Variants in MDGA2 observed in about 807,000 individuals in gnomAD.
MDGA2 encodes the protein MAM domain-containing glycosylphosphatidylinositol anchor protein 2.
MDGA2 carries 40 observed loss-of-function variants against 117.8 expected under a neutral mutation model. The ratio of observed to expected loss-of-function variants is 0.34; its 90% CI spans 0.26 to 0.44. The LOEUF (loss-of-function observed/expected upper bound fraction) is 0.44. Ranked by LOEUF, MDGA2 falls within the 20% of genes least tolerant of loss-of-function variation. The probability of loss-of-function intolerance (pLI) is 1.00; values close to 1 mark genes in which losing one functional copy is unlikely to be tolerated. For missense variants in MDGA2, 1,123 were observed against 1,250.6 expected (o/e 0.90, Z 1.54); for synonymous variants, 452 against 439.0 (o/e 1.03, Z -0.37).
intron 8 of MDGA2, among the ~76,000 whole-genome samples, chr14:47,003,861 T>A (rs2138502045): frequency 6.6e-6 from 1 of 152,040 alleles, no homozygotes; most frequent in African/African-American, 2.4e-5. Flanking sequence ...ATCATAAAGC[T>A]TATAGAAGAA....
rs1296359019 is a variant in MDGA2, at chr14:47,144,142, C to T, written c.728G>A (p.Gly243Asp). The T allele has an allele frequency of 6.4e-7, 1 of 1,551,052 alleles. No homozygotes were observed. The highest frequency in any genetic ancestry group is 1.4e-5 in the African/African-American group (1 of 72,998). ...AGATCCTTGCAGCAAGACCTCCTGG[C>T]CACGTCTCCAGCTATACCGAACAGG... is the stretch of plus-strand genomic sequence containing the variant. ...NPPVRYSWRR[G>D]QEVLLQGSDK... The change falls in exon 4 of 17, where the codon GGC becomes GAC. Residue 243 changes from glycine to aspartate, a missense_variant. Physicochemically the swap from Gly to Asp is moderately conservative, Grantham distance 94. This residue lies in a region of MDGA2 where 890 missense variants were observed against 1,050.3 expected (regional missense o/e 0.85). Transcript: ENST00000399232.
chr14:47,194,779 T>C (rs921183439), intron 3 of MDGA2, among the ~76,000 whole-genome samples: 3 of 151,832 alleles, frequency 2.0e-5, no homozygotes, highest in Non-Finnish European at 4.4e-5. Context: ...TCTCTCTCAC[T>C]CTCTCTTTCT....
rs557151612 is a variant in MDGA2 at position 47,063,328 on chromosome 14, T to C, written c.1196-1750A>G. Among the ~76,000 whole-genome samples, 51 of 152,120 alleles carry C rather than the reference T, an allele frequency of 3.4e-4. 1 individual carries two copies. In the South Asian group the frequency reaches 0.01, roughly 30 times the overall value. ...AATAAAATGCAACTTATGAATCTTA[T>C]TTACCCCTAACCATATCTTTATCAG... On this transcript the variant is annotated intron_variant, in intron 6 of 16. Transcript: ENST00000399232.
At position 46,920,116 on chromosome 14, in the gene MDGA2, C is replaced by A; in HGVS notation, c.2134G>T (p.Val712Leu). 1 of 1,611,202 alleles carries A rather than the reference C, an allele frequency of 6.2e-7. No individual in the cohort carries two copies. Among genetic ancestry groups the A allele is most frequent in the Middle Eastern group, 1.7e-4 (1 of 6,058 alleles). ...TAAACACGGTGTCTGTTCTGCCATACTGGATTGTAGGTATCATAATAGAAT... is the reference window on the plus strand; with the variant it reads ...TAAACACGGTGTCTGTTCTGCCATAATGGATTGTAGGTATCATAATAGAAT... ...PEFYYDTYNP[V>L]WQNRHRVYSY... Residue 712 changes from valine to leucine, a missense_variant, in exon 10 of 17, where the codon GTA (valine) becomes TTA (leucine). Transcript: ENST00000399232.
chr14:47,386,584 G>A (rs1449379988), intron 1 of MDGA2, among the ~76,000 whole-genome samples: 3 of 152,154 alleles, frequency 2.0e-5, no homozygotes, highest in African/African-American at 7.2e-5. Context: ...GTACTGATTA[G>A]TTAAGAAGAA....
chr14:47,571,968 A>G (rs1422119327), intron 1 of MDGA2, among the ~76,000 whole-genome samples: 1 of 152,198 alleles, frequency 6.6e-6, no homozygotes, highest in Non-Finnish European at 1.5e-5. Context: ...ATGCACACAC[A>G]TACATACTTT....
chr14:47,583,315 A>C lies in MDGA2; in HGVS notation c.280+91202T>G, dbSNP rs4448846. On this transcript the variant is annotated intron_variant, in intron 1 of 16. Transcript: ENST00000399232. ...AGATGAGATTAAAGCTGAGCTCTGA[A>C]TGACAAGAAGCAGCTAGCCAGTGAG... 5.1e-4 allele frequency among the ~76,000 whole-genome samples: 78 copies of C among 151,996 alleles called. 1 individual carries two copies. In the Middle Eastern group the frequency reaches 0.01, roughly 20 times the overall value.
chr14:47,387,138 G>A (rs1891778321), intron 1 of MDGA2, among the ~76,000 whole-genome samples: 2 of 152,058 alleles, frequency 1.3e-5, no homozygotes, highest in African/African-American at 4.8e-5. Context: ...ACCTTACTAG[G>A]AACTGGTTGC....
At chr14:46,995,949 C>G (rs947674080) in intron 8 of MDGA2, among the ~76,000 whole-genome samples, 1 of 151,488 alleles carries the variant, frequency 6.6e-6, no homozygotes, top group African/African-American at 2.4e-5. Context: ...AAATGAAGAC[C>G]GCATTTCATT....
chr14:47,442,486 T>C (rs1893033135), intron 1 of MDGA2, among the ~76,000 whole-genome samples: 1 of 152,226 alleles, frequency 6.6e-6, no homozygotes, highest in East Asian at 1.9e-4. Flanking sequence ...ACTGAGGTGA[T>C]GTAAGCAGGA....
chr14:47,634,087 T>C (rs932867665), intron 1 of MDGA2, among the ~76,000 whole-genome samples: 1 of 152,152 alleles, frequency 6.6e-6, no homozygotes, highest in African/African-American at 2.4e-5. Context: ...AATGTTTGTA[T>C]AGTTTGACTC....
At chr14:47,294,297 A>G (rs960623889) in intron 2 of MDGA2, among the ~76,000 whole-genome samples, 2 of 151,848 alleles carry the variant, frequency 1.3e-5, no homozygotes, top group Non-Finnish European at 2.9e-5. Flanking sequence ...AGGTTTCGTC[A>G]TGTTGCCCAG....
intron 16 of MDGA2, among the ~76,000 whole-genome samples, chr14:46,842,934 G>T (rs937183637): frequency 9.9e-5 from 15 of 152,122 alleles, no homozygotes; most frequent in Non-Finnish European, 1.2e-4. Flanking sequence ...TCAATCAAAT[G>T]CTAGTCATAA....
At position 47,540,176 on chromosome 14, in the gene MDGA2, G is replaced by T. The variant is rs539829218; in HGVS notation, c.280+134341C>A. On this transcript the variant is annotated intron_variant, in intron 1 of 16. Transcript: ENST00000399232. ...CTACAGGCGCCCGCCACCTCGCCCG[G>T]CTAATTTTTTGTATTTTTGGTAGAG... Among the ~76,000 whole-genome samples, 145 of 152,180 alleles carry T rather than the reference G, an allele frequency of 9.5e-4. 2 individuals carry two copies. The highest frequency in any genetic ancestry group is 3.3e-3 in the African/African-American group (139 of 41,542).
chr14:47,221,753 G>GA (rs1370974143), intron 2 of MDGA2, among the ~76,000 whole-genome samples: 4 of 149,768 alleles, frequency 2.7e-5, no homozygotes, highest in Non-Finnish European at 5.9e-5. Context: ...AAAATGATGA[G>GA]AAAAATAGGG....
chr14:47,645,477 G>A (rs1409907545), intron 1 of MDGA2, among the ~76,000 whole-genome samples: 1 of 150,996 alleles, frequency 6.6e-6, no homozygotes, highest in Non-Finnish European at 1.5e-5. Flanking sequence ...CTCAAGATCC[G>A]CCCGCCTCGT....
At chr14:47,384,029 A>ATAGG in intron 1 of MDGA2, among the ~76,000 whole-genome samples, 1 of 121,056 alleles carries the variant, frequency 8.3e-6, no homozygotes, top group Admixed American at 8.4e-5. Flanking sequence ...GATAGATTAG[A>ATAGG]TAAAGAGATA....
At chr14:47,598,408 A>G (rs1896586557) in intron 1 of MDGA2, among the ~76,000 whole-genome samples, 1 of 152,212 alleles carries the variant, frequency 6.6e-6, no homozygotes, top group African/African-American at 2.4e-5. Flanking sequence ...CAATAGCCAA[A>G]TGTTGAAAAC....
chr14:46,890,525 A>G (rs905377855), intron 10 of MDGA2, among the ~76,000 whole-genome samples: 5 of 152,136 alleles, frequency 3.3e-5, no homozygotes, highest in African/African-American at 1.2e-4. Context: ...ATTATAAAAC[A>G]AAACGAACAC....
Sources: gnomAD v4.1 joint callset for allele counts (sites outside exome capture counted in the v4.1 genomes callset) on GRCh38, gnomAD v4.1.1 for gene constraint, gnomAD v4.1.1 regional missense constraint, MANE v1.5 for transcripts, NCBI Gene and HGNC (gene_info 2026-07-23, HGNC 2026-07-21) for gene names.